The following ADK variants were observed in gnomAD, a reference collection of about 807,000 sequenced individuals.
The protein encoded by ADK is N6,N6-dimethyladenosine kinase.
A neutral mutation model predicts 44.7 loss-of-function variants in ADK; 24 were observed. That is an observed-to-expected ratio of 0.54 (90% confidence interval 0.39 to 0.76). The LOEUF (loss-of-function observed/expected upper bound fraction) is 0.76, where lower values mean the gene tolerates loss of function less well. ADK is among the 30% of genes least tolerant of loss of function. ADK has a pLI of 0.00. For synonymous variants in ADK, 128 were observed against 142.6 expected (o/e 0.90, Z 0.73); for missense variants, 321 against 425.1 (o/e 0.76, Z 2.15).
chr10:74,631,286 T>A (rs967595250), intron 9 of ADK, among the ~76,000 whole-genome samples: 5 of 151,702 alleles, frequency 3.3e-5, no homozygotes, highest in Non-Finnish European at 7.4e-5. Flanking sequence ...TTATTTTTTT[T>A]TTTTTGAGAA....
chr10:74,296,182 T>A (rs908769279), intron 3 of ADK, among the ~76,000 whole-genome samples: 42 of 151,848 alleles, frequency 2.8e-4, no homozygotes, highest in African/African-American at 7.5e-4. Context: ...ATATAAAAAA[T>A]TTTTTTTATG....
At chr10:74,662,240 C>T (rs528036095) in intron 9 of ADK, among the ~76,000 whole-genome samples, 10 of 152,270 alleles carry the variant, frequency 6.6e-5, no homozygotes, top group African/African-American at 2.4e-4. Context: ...CCACCCTCAA[C>T]CCCTGCCATT....
At chr10:74,552,285 C>CA (rs571421948) in intron 7 of ADK, among the ~76,000 whole-genome samples, 30 of 145,604 alleles carry the variant, frequency 2.1e-4, no homozygotes, top group South Asian at 4.4e-4. Flanking sequence ...TAAACCTAAC[C>CA]AAAAAAAAAA....
In ADK at chr10:74,422,587, A is replaced by G. The variant is rs534858672; in HGVS notation, c.555+24008A>G. ...GATGAGGGGTACATAGGAAGTCTGT[A>G]TATTAAACTTGCAATTTTTCTGTAT... On this transcript the variant is annotated intron_variant, in intron 6 of 10. Coordinates refer to ENST00000539909, the MANE Select transcript of ADK (RefSeq NM_006721.4). Among the ~76,000 whole-genome samples the G allele has an allele frequency of 9.2e-5, 14 of 152,004 alleles. No individual in the cohort carries two copies. The South Asian group carries it at 2.5e-3, about 27-fold the overall frequency.
intron 4 of ADK, among the ~76,000 whole-genome samples, chr10:74,370,860 C>T (rs1476682833): frequency 6.6e-6 from 1 of 152,040 alleles, no homozygotes; most frequent in Non-Finnish European, 1.5e-5. Context: ...AGATGTGAGC[C>T]ACTGCACCCA....
chr10:74,491,357 G>A (rs917877112), intron 6 of ADK, among the ~76,000 whole-genome samples: 11 of 152,052 alleles, frequency 7.2e-5, no homozygotes, highest in African/African-American at 2.4e-4. Context: ...ATCCTCCTGC[G>A]TCAGCCTCTC....
chr10:74,627,872 A>G (rs1184281460), intron 9 of ADK, among the ~76,000 whole-genome samples: 1 of 152,134 alleles, frequency 6.6e-6, no homozygotes, highest in African/African-American at 2.4e-5. Context: ...CCTGACCTCA[A>G]GTGATCCACC....
At chr10:74,240,540 G>A (rs566510549) in intron 3 of ADK, among the ~76,000 whole-genome samples, 5 of 151,352 alleles carry the variant, frequency 3.3e-5, no homozygotes, top group Non-Finnish European at 5.9e-5. Flanking sequence ...ATAAAATTAT[G>A]TTTTTTAAAG....
intron 7 of ADK, among the ~76,000 whole-genome samples, chr10:74,548,599 CG>C (rs1849920783): frequency 6.6e-6 from 1 of 152,056 alleles, no homozygotes; most frequent in African/African-American, 2.4e-5. Context: ...TTTGAGTATT[CG>C]GGAAGACTTC....
chr10:74,354,635 A>G (rs1262486469), intron 4 of ADK, among the ~76,000 whole-genome samples: 1 of 152,190 alleles, frequency 6.6e-6, no homozygotes, highest in African/African-American at 2.4e-5. Context: ...ACCAGCGACC[A>G]CCAGGTTTGG....
At chr10:74,258,162 T>C (rs983800600) in intron 3 of ADK, among the ~76,000 whole-genome samples, 4 of 152,182 alleles carry the variant, frequency 2.6e-5, no homozygotes, top group African/African-American at 9.7e-5. Flanking sequence ...ATTTTTTTAG[T>C]GTAGTTTAGT....
intron 7 of ADK, among the ~76,000 whole-genome samples, chr10:74,536,633 T>G (rs1444834562): frequency 6.6e-6 from 1 of 151,396 alleles, no homozygotes; most frequent in Non-Finnish European, 1.5e-5. Context: ...AAGCAGAAGC[T>G]CTGTACCCAT....
At chr10:74,342,341 A>G (rs991623505) in intron 4 of ADK, among the ~76,000 whole-genome samples, 1 of 152,180 alleles carries the variant, frequency 6.6e-6, no homozygotes, top group Non-Finnish European at 1.5e-5. Flanking sequence ...CAGAGTATAA[A>G]TTTTACACTG....
chr10:74,309,274 T>C (rs1564646287), intron 3 of ADK, among the ~76,000 whole-genome samples: 1 of 152,138 alleles, frequency 6.6e-6, no homozygotes, highest in Non-Finnish European at 1.5e-5. Flanking sequence ...TAGTTGCCTT[T>C]TATTTAAAAG....
In ADK at chr10:74,365,459, A is replaced by AT. The variant is rs1049109197; in HGVS notation, c.274-28675dup. 9.2e-5 allele frequency among the ~76,000 whole-genome samples: 14 copies of AT among 152,210 alleles called. No individual in the cohort carries two copies. The South Asian group carries it at 2.5e-3, about 27-fold the overall frequency. Reference sequence around the variant, plus strand: ...ATTTTGTTGCATATATTAGCACTTCATTTTTTTGATTGAATAATGTTCCAT... The same window carrying AT: ...ATTTTGTTGCATATATTAGCACTTCATTTTTTTTGATTGAATAATGTTCCAT... On this transcript the variant is annotated intron_variant, in intron 4 of 10. Transcript: ENST00000539909.
intron 7 of ADK, among the ~76,000 whole-genome samples, chr10:74,528,998 A>G (rs923036599): frequency 6.6e-6 from 1 of 152,212 alleles, no homozygotes; most frequent in Non-Finnish European, 1.5e-5. Context: ...CATATGATCT[A>G]GCAGTTCTAC....
At chr10:74,525,631 G>T (rs1849006765) in intron 7 of ADK, among the ~76,000 whole-genome samples, 1 of 151,838 alleles carries the variant, frequency 6.6e-6, no homozygotes, top group Admixed American at 6.6e-5. Flanking sequence ...TTCTTTCTTA[G>T]TGAAGCATTT....
At chr10:74,676,786 C>T (rs1855409548) in intron 10 of ADK, among the ~76,000 whole-genome samples, 1 of 152,172 alleles carries the variant, frequency 6.6e-6, no homozygotes, top group Admixed American at 6.5e-5. Context: ...CCACCACCCC[C>T]AGCCAGAATA....
chr10:74,354,974 T>G (rs1054716864), intron 4 of ADK, among the ~76,000 whole-genome samples: 8 of 152,228 alleles, frequency 5.3e-5, no homozygotes, highest in African/African-American at 1.4e-4. Context: ...TCAGTAAAAC[T>G]TCATTACAAA....
Sources: gnomAD v4.1 joint callset for allele counts (sites outside exome capture counted in the v4.1 genomes callset) on GRCh38, gnomAD v4.1.1 for gene constraint, MANE v1.5 for transcripts, NCBI Gene and HGNC (gene_info 2026-07-23, HGNC 2026-07-21) for gene names.